The following C1orf105 variants were observed in gnomAD, a reference collection of about 807,000 sequenced individuals.
The protein encoded by C1orf105 is uncharacterized protein C1orf105.
A neutral mutation model predicts 20.8 loss-of-function variants in C1orf105; 17 were observed. The observed-to-expected ratio is 0.82, with a 90% CI of 0.56 to 1.23. The LOEUF (loss-of-function observed/expected upper bound fraction) is 1.23, where lower values mean the gene tolerates loss of function less well. Ranked by LOEUF, C1orf105 falls within the 50% of genes most tolerant of loss-of-function variation. C1orf105 has a pLI of 0.00. For missense variants in C1orf105, 219 were observed against 213.5 expected, an observed-to-expected ratio of 1.03 and a Z score of -0.16; for synonymous variants, 72 against 72.1, an observed-to-expected ratio of 1.00 and a Z score of 0.01.
intron 1 of C1orf105, among the ~76,000 whole-genome samples, chr1:172,435,882 A>G (rs1346302959): frequency 6.6e-6 from 1 of 152,266 alleles, no homozygotes; most frequent in Non-Finnish European, 1.5e-5. Flanking sequence ...TAAGCTGATA[A>G]GCAACTTCAG....
intron 3 of C1orf105, among the ~76,000 whole-genome samples, chr1:172,453,772 GCAAT>G (rs1648925464): frequency 1.3e-5 from 2 of 152,216 alleles, no homozygotes; most frequent in Non-Finnish European, 2.9e-5. Flanking sequence ...AGTTTATGAT[GCAAT>G]CAAAGAGGCA....
rs139225245 is a variant in C1orf105, at chr1:172,454,540, C to G, written c.199-1875C>G. Among the ~76,000 whole-genome samples the G allele has an allele frequency of 1.3e-3, 200 of 152,192 alleles. 1 individual carries two copies. Among genetic ancestry groups the G allele is most frequent in the African/African-American group, 4.7e-3 (194 of 41,512 alleles). Reference sequence around the variant, plus strand: ...ATTTCCTCTCTAGTCTCTCTTCTCACTCCATTCAACCTCCCACCAGACAAC... The same window carrying G: ...ATTTCCTCTCTAGTCTCTCTTCTCAGTCCATTCAACCTCCCACCAGACAAC... On this transcript the variant is annotated intron_variant, in intron 3 of 6. Transcript: ENST00000367727.
chr1:172,445,181 CA>C (rs1413110106), intron 2 of C1orf105, 23 bp downstream of exon 2: 25 of 1,573,062 alleles, frequency 1.6e-5, no homozygotes, highest in Non-Finnish European at 2.2e-5. Flanking sequence ...CCACCGAGGG[CA>C]AAAGTTTTAC....
chr1:172,468,358 A>C (rs1650210875), intron 6 of C1orf105, 91 bp from the exon 7 acceptor site: 5 of 966,588 alleles, frequency 5.2e-6, no homozygotes, highest in Admixed American at 2.8e-5. Flanking sequence ...AGGTTGAAGA[A>C]GTCTTTGTTG....
Position 172,453,224 on chromosome 1 carries a change from C to T in C1orf105, c.199-3191C>T, listed in dbSNP as rs1366159983. On this transcript the variant is annotated intron_variant, in intron 3 of 6. Transcript: ENST00000367727. ...AGCACAGATCAAAGATTGCTTTTTACCTTTAAATGTAAAGTGTAAAGGGAC... is the reference window on the plus strand; with the variant it reads ...AGCACAGATCAAAGATTGCTTTTTATCTTTAAATGTAAAGTGTAAAGGGAC... The T allele has an allele frequency of 5.2e-6, 8 of 1,544,286 alleles. No homozygotes were observed. The South Asian group carries it at 9.5e-5, about 18-fold the overall frequency.
At chr1:172,448,969 C>T (rs1319913527) in intron 3 of C1orf105, among the ~76,000 whole-genome samples, 2 of 152,184 alleles carry the variant, frequency 1.3e-5, no homozygotes, top group African/African-American at 2.4e-5. Context: ...AGGTGACCCT[C>T]GGTGTCACTG....
intron 1 of C1orf105, chr1:172,443,428 A>G (rs557299008): frequency 4.8e-5 from 8 of 167,188 alleles, no homozygotes; most frequent in African/African-American, 1.9e-4. Context: ...TATGAGCTCT[A>G]TAGTTTAACC....
Position 172,420,900 on chromosome 1 carries a change from A to G in C1orf105, c.15A>G (p.Glu5=). The change falls in exon 1 of 7, where the codon GAA becomes GAG. Residue 5 remains glutamate, a synonymous_variant. Coordinates refer to ENST00000367727, the MANE Select transcript of C1orf105 (RefSeq NM_139240.4). The part of the protein sequence containing the change: MEKR[E]LKASVPKFDK... ...AGATCTGAAAGATGGAAAAAAGAGA[A>G]CTAAAGGTAGGAAAAAAATAAATGA... The G allele has an allele frequency of 6.2e-7, 1 of 1,611,186 alleles. No individual in the cohort carries two copies. The highest frequency in any genetic ancestry group is 1.3e-5 in the African/African-American group (1 of 74,966).
rs1466002087 is a variant in C1orf105, at chr1:172,442,344, TGAA to T, written c.22-2724_22-2722del. ...GATCAAACAAAACATACCCAATCAGTGAAGAAGCCAGACCAGTCCCTAAAAGCC... is the reference window on the plus strand; with the variant it reads ...GATCAAACAAAACATACCCAATCAGTGAAGCCAGACCAGTCCCTAAAAGCC... On this transcript the variant is annotated intron_variant, in intron 1 of 6. Transcript: ENST00000367727. The T allele has an allele frequency of 3.7e-6, 6 of 1,613,082 alleles. No individual in the cohort carries two copies. In the East Asian group the frequency reaches 1.3e-4, roughly 36 times the overall value.
chr1:172,448,388 G>T lies in C1orf105; in HGVS notation c.108-53G>T, dbSNP rs753376117. 25 of 1,215,778 alleles carry T rather than the reference G, an allele frequency of 2.1e-5. No homozygotes were observed. The South Asian group carries it at 2.8e-4, about 13-fold the overall frequency. The allele number at this position is 1,215,778 out of a possible 1,614,324, so 75.3% of individuals were successfully genotyped here. A position where few individuals can be genotyped will look rare whatever the true frequency, so the allele number is the denominator to read the frequency against. ...TCTCTCAGAAACAACCAAGGGCCTG[G>T]CTCTTCAAACATGGGACTGCGGTTC... On this transcript the variant is annotated intron_variant, in intron 2 of 6. Transcript: ENST00000367727.
At chr1:172,440,278 G>T (rs2072177836) in intron 1 of C1orf105, among the ~76,000 whole-genome samples, 1 of 152,208 alleles carries the variant, frequency 6.6e-6, no homozygotes, top group Non-Finnish European at 1.5e-5. Context: ...CAGCTATCTT[G>T]GGAGGTGCCT....
intron 5 of C1orf105, among the ~76,000 whole-genome samples, chr1:172,464,515 C>A (rs940171460): frequency 6.6e-6 from 1 of 152,182 alleles, no homozygotes; most frequent in Non-Finnish European, 1.5e-5. Flanking sequence ...CAAGGGTCAC[C>A]TCCACAGCCT....
chr1:172,445,306 G>A, intron 2 of C1orf105, 148 bp downstream of exon 2: 1 of 704,676 alleles, frequency 1.4e-6, no homozygotes, highest in Non-Finnish European at 2.3e-6. Context: ...AATAATCCGG[G>A]TTTCTCAGAA....
intron 1 of C1orf105, among the ~76,000 whole-genome samples, chr1:172,424,948 G>T (rs1384969047): frequency 6.6e-6 from 1 of 152,226 alleles, no homozygotes; most frequent in East Asian, 1.9e-4. Flanking sequence ...GCCTGGAGTG[G>T]CAAGCAGTGA....
At chr1:172,450,395 A>G (rs1648490419) in intron 3 of C1orf105, among the ~76,000 whole-genome samples, 1 of 152,222 alleles carries the variant, frequency 6.6e-6, no homozygotes, top group East Asian at 1.9e-4. Flanking sequence ...AGACGTCCTC[A>G]AATTTGAATC....
chr1:172,442,367 A>T lies in C1orf105; in HGVS notation c.22-2706A>T, dbSNP rs2149169681. On this transcript the variant is annotated intron_variant, in intron 1 of 6. Transcript: ENST00000367727. ...AGTGAAGAAGCCAGACCAGTCCCTA[A>T]AAGCCAATGGGGGGCCAGAAGACCC... 6 of 1,613,372 alleles carry T rather than the reference A, an allele frequency of 3.7e-6. No individual in the cohort carries two copies. The Middle Eastern group carries it at 7.5e-4, about 201-fold the overall frequency.
chr1:172,453,850 A>G (rs562774839), intron 3 of C1orf105, among the ~76,000 whole-genome samples: 1 of 152,218 alleles, frequency 6.6e-6, no homozygotes, highest in Non-Finnish European at 1.5e-5. Context: ...TTTTCTGAGG[A>G]TGTAACACCT....
At chr1:172,423,939 C>T (rs2071656932) in intron 1 of C1orf105, among the ~76,000 whole-genome samples, 1 of 151,966 alleles carries the variant, frequency 6.6e-6, no homozygotes, top group Admixed American at 6.6e-5. Context: ...AAGAATAATT[C>T]CAAGTTGAAC....
At chr1:172,444,068 G>C (rs1647681143) in intron 1 of C1orf105, 1 of 998,712 alleles carries the variant, frequency 1.0e-6, no homozygotes, top group Non-Finnish European at 1.2e-6. Context: ...GGCTGCGACT[G>C]TGGCCAAGCA....
Sources: allele counts gnomAD v4.1 joint callset (sites outside exome capture counted in the v4.1 genomes callset), GRCh38; gene constraint gnomAD v4.1.1; transcripts MANE v1.5; gene names NCBI Gene and HGNC (gene_info 2026-07-23, HGNC 2026-07-21).